The following CRYL1 variants were observed in gnomAD, a reference collection of about 807,000 sequenced individuals.
CRYL1 encodes the protein lambda-crystallin homolog.
Under a neutral mutation model 36.6 loss-of-function variants are expected in CRYL1, and 29 were observed. That is an observed-to-expected ratio of 0.79 (90% CI 0.59 to 1.08). The LOEUF (loss-of-function observed/expected upper bound fraction) is 1.08, where lower values mean the gene tolerates loss of function less well. CRYL1 is among the 50% of genes least tolerant of loss of function. The pLI, the probability that CRYL1 is intolerant of heterozygous loss-of-function variation, is 0.00. For synonymous variants in CRYL1, 152 were observed against 151.5 expected, an observed-to-expected ratio of 1.00 and a Z score of -0.02; for missense variants, 411 against 407.9, an observed-to-expected ratio of 1.01 and a Z score of -0.06.
At chr13:20,463,905 G>T (rs1027940828) in intron 3 of CRYL1, among the ~76,000 whole-genome samples, 1 of 152,122 alleles carries the variant, frequency 6.6e-6, no homozygotes, top group African/African-American at 2.4e-5. Flanking sequence ...ATGCAGAGGA[G>T]AACCCTCAAA....
chr13:20,492,515 A>G (rs902536146), intron 2 of CRYL1, among the ~76,000 whole-genome samples: 4 of 152,110 alleles, frequency 2.6e-5, no homozygotes, highest in African/African-American at 9.7e-5. Flanking sequence ...GGCCTGTCTC[A>G]GCTTCTAGAG....
chr13:20,426,948 C>G (rs1350700016), intron 5 of CRYL1: 17 of 985,560 alleles, frequency 1.7e-5, no homozygotes, highest in Non-Finnish European at 1.9e-5. Context: ...CAGGCAGAAC[C>G]CAAGGTCAGC....
At chr13:20,462,209 G>A (rs2032844914) in intron 3 of CRYL1, among the ~76,000 whole-genome samples, 1 of 141,906 alleles carries the variant, frequency 7.0e-6, no homozygotes, top group Admixed American at 7.1e-5. Context: ...TGGGAGGAGG[G>A]GGCAGGAGGA....
intron 5 of CRYL1, among the ~76,000 whole-genome samples, chr13:20,413,717 T>G (rs1222697118): frequency 6.6e-6 from 1 of 152,232 alleles, no homozygotes; most frequent in Non-Finnish European, 1.5e-5. Context: ...AAATAGTTTG[T>G]GTACACAAAA....
chr13:20,508,869 A>C (rs1298954448), intron 2 of CRYL1, among the ~76,000 whole-genome samples: 2 of 15,458 alleles, frequency 1.3e-4, no homozygotes, highest in African/African-American at 2.3e-4. Context: ...AAAAAAAAAA[A>C]AAAAAACAAA....
rs148019433 is a variant in CRYL1 at position 20,482,271 on chromosome 13, C to T, written c.276+7099G>A. On this transcript the variant is annotated intron_variant, in intron 3 of 7. Coordinates refer to ENST00000298248, the MANE Select transcript of CRYL1 (RefSeq NM_015974.3). The stretch of plus-strand genomic sequence containing the variant: ...TATCCATTTAACTTCTCGATTTCAG[C>T]TATTGCAGATTGTTCTGACTTTGTG... Among the ~76,000 whole-genome samples, 213 of 152,278 alleles carry T rather than the reference C, an allele frequency of 1.4e-3. 1 individual carries two copies. Among genetic ancestry groups the T allele is most frequent in the Non-Finnish European group, 2.4e-3 (165 of 68,020 alleles).
chr13:20,502,687 A>G (rs1419912407), intron 2 of CRYL1, among the ~76,000 whole-genome samples: 1 of 152,142 alleles, frequency 6.6e-6, no homozygotes, highest in East Asian at 1.9e-4. Context: ...TCCTCCCTCC[A>G]GGCCAGTGGT....
intron 2 of CRYL1, among the ~76,000 whole-genome samples, chr13:20,491,074 T>G (rs1222466475): frequency 6.6e-6 from 1 of 152,026 alleles, no homozygotes; most frequent in African/African-American, 2.4e-5. Flanking sequence ...CTGACCAATT[T>G]TTTGTATTTT....
Position 20,432,251 on chromosome 13 carries a change from G to T in CRYL1, c.484C>A (p.Pro162Thr), listed in dbSNP as rs2032083786. Residue 162 changes from proline (P) to threonine (T), a missense_variant, in exon 5 of 8, where the codon CCG becomes ACG. Coordinates refer to ENST00000298248, the MANE Select transcript of CRYL1 (RefSeq NM_015974.3). ...TCCACTGTCGTAGGGGCCGTCTCCG[G>T]GTGGGGGACCAGCTCAACCAGCGGG... is the stretch of plus-strand genomic sequence containing the variant. The part of the protein sequence containing the change: ...YIPLVELVPH[P>T]ETAPTTVDRT... 1.2e-6 allele frequency: 2 copies of T among 1,613,588 alleles called. No individual in the cohort carries two copies. Among genetic ancestry groups the T allele is most frequent in the African/African-American group, 2.7e-5 (2 of 74,866 alleles).
rs112581751 is a variant in CRYL1 at position 20,462,386 on chromosome 13, G to A, written c.277-22632C>T. Among the ~76,000 whole-genome samples the A allele has an allele frequency of 8.9e-3, 1,345 of 151,114 alleles. 10 individuals are homozygous for A. Among genetic ancestry groups the A allele is most frequent in the Non-Finnish European group, 0.015 (1,042 of 67,784 alleles). On this transcript the variant is annotated intron_variant, in intron 3 of 7. Coordinates refer to ENST00000298248, the MANE Select transcript of CRYL1 (RefSeq NM_015974.3). ...ACAGAAACAAAATAAACTATGACAG[G>A]TTTGAGCGTTACCCTAAAGGAAGCT...
chr13:20,453,409 G>C (rs2032613070), intron 3 of CRYL1, among the ~76,000 whole-genome samples: 1 of 131,918 alleles, frequency 7.6e-6, no homozygotes. Context: ...TGAATATTTT[G>C]AAATATTCTA....
chr13:20,511,198 C>A (rs1231540111), intron 2 of CRYL1, among the ~76,000 whole-genome samples: 1 of 151,944 alleles, frequency 6.6e-6, no homozygotes. Flanking sequence ...AATCCTTCTG[C>A]CTCAGCCTCC....
intron 4 of CRYL1, among the ~76,000 whole-genome samples, chr13:20,438,626 T>A (rs2032285424): frequency 6.6e-6 from 1 of 152,210 alleles, no homozygotes; most frequent in African/African-American, 2.4e-5. Context: ...TCTTTGCTTA[T>A]GCTCTTCCCC....
chr13:20,507,874 A>C (rs995475347), intron 2 of CRYL1, among the ~76,000 whole-genome samples: 24 of 150,464 alleles, frequency 1.6e-4, no homozygotes, highest in East Asian at 7.9e-4. Context: ...GCCAAGATCG[A>C]GCCACTGCAC....
At chr13:20,436,656 C>G (rs1251849596) in intron 4 of CRYL1, among the ~76,000 whole-genome samples, 1 of 152,144 alleles carries the variant, frequency 6.6e-6, no homozygotes, top group Non-Finnish European at 1.5e-5. Context: ...GCTGGGAGTA[C>G]GAGCCCGCCT....
Position 20,415,985 on chromosome 13 carries a change from T to C in CRYL1, c.634-2598A>G, listed in dbSNP as rs575351659. Among the ~76,000 whole-genome samples the C allele has an allele frequency of 1.3e-3, 191 of 152,338 alleles. No homozygotes were observed. The highest frequency in any genetic ancestry group is 3.0e-3 in the Admixed American group (46 of 15,308). On this transcript the variant is annotated intron_variant, in intron 5 of 7. Transcript: ENST00000298248. The surrounding 1 kb of genome is among the most constrained non-coding windows in gnomAD (Gnocchi z 4.1). Reference sequence around the variant, plus strand: ...GAGCCTTTGGCTAGTCTGGGGCTCCTGTGAGCAGGGCAGCCAGGGTCACGC... The same window carrying C: ...GAGCCTTTGGCTAGTCTGGGGCTCCCGTGAGCAGGGCAGCCAGGGTCACGC...
chr13:20,525,648 C>A lies in CRYL1; in HGVS notation c.41+106G>T. 1.1e-6 allele frequency: 1 copy of A among 928,846 alleles called. No homozygotes were observed. Among genetic ancestry groups the A allele is most frequent in the Non-Finnish European group, 1.4e-6 (1 of 706,580 alleles). The allele number at this position is 928,846 out of a possible 1,614,324, so 57.5% of individuals were successfully genotyped here. On this transcript the variant is annotated intron_variant, in intron 1 of 7. Transcript: ENST00000298248. The surrounding 1 kb of genome is among the most constrained non-coding windows in gnomAD (Gnocchi z 4.3). The stretch of plus-strand genomic sequence containing the variant: ...GGCTTCGGAGGACCGGAGGCCGGGG[C>A]GGGGACAGCGACCCGGCGCCCACCC...
In CRYL1 at chr13:20,429,165, G is replaced by T. The variant is rs139041033; in HGVS notation, c.633+2937C>A. Among the ~76,000 whole-genome samples, 428 of 152,308 alleles carry T rather than the reference G, an allele frequency of 2.8e-3. 2 individuals are homozygous for T. The highest frequency in any genetic ancestry group is 8.9e-3 in the African/African-American group (371 of 41,560). On this transcript the variant is annotated intron_variant, in intron 5 of 7. Coordinates refer to ENST00000298248, the MANE Select transcript of CRYL1 (RefSeq NM_015974.3). Reference sequence around the variant, plus strand: ...CCTCACTGAGGAGAAGCTCTGCAAGGCCTTTGGAGCTTTTCAACTTAAAAC... The same window carrying T: ...CCTCACTGAGGAGAAGCTCTGCAAGTCCTTTGGAGCTTTTCAACTTAAAAC...
intron 2 of CRYL1, among the ~76,000 whole-genome samples, chr13:20,499,384 C>T (rs1174445533): frequency 1.3e-5 from 2 of 148,654 alleles, no homozygotes; most frequent in Non-Finnish European, 3.0e-5. Flanking sequence ...CGCAGTGGCT[C>T]ATGCCTTTAA....
Sources: allele counts gnomAD v4.1 joint callset (sites outside exome capture counted in the v4.1 genomes callset), GRCh38; gene constraint gnomAD v4.1.1; non-coding constraint Gnocchi (gnomAD v3.1); transcripts MANE v1.5; gene names NCBI Gene and HGNC (gene_info 2026-07-23, HGNC 2026-07-21).